The following PLEKHG1 variants were observed in gnomAD, a reference collection of about 807,000 sequenced individuals.
The protein encoded by PLEKHG1 is pleckstrin homology domain-containing family G member 1.
PLEKHG1 carries 44 observed loss-of-function variants against 100.8 expected under a neutral mutation model. The ratio of observed to expected loss-of-function variants is 0.44; its 90% CI spans 0.34 to 0.56. The LOEUF (loss-of-function observed/expected upper bound fraction) is 0.56, where lower values mean the gene tolerates loss of function less well. Among genes scored for constraint, PLEKHG1 ranks in the 20% least tolerant of loss-of-function variants. The pLI is 0.01. For missense variants in PLEKHG1, 1,545 were observed against 1,720.9 expected, an observed-to-expected ratio of 0.90 and a Z score of 1.81; for synonymous variants, 640 against 662.5, an observed-to-expected ratio of 0.97 and a Z score of 0.52.
intron 3 of PLEKHG1, among the ~76,000 whole-genome samples, chr6:150,783,349 A>G (rs990150930): frequency 6.6e-6 from 1 of 151,890 alleles, no homozygotes; most frequent in African/African-American, 2.4e-5. Flanking sequence ...TATCAAAGAC[A>G]TAATTCACGA....
intron 2 of PLEKHG1, among the ~76,000 whole-genome samples, chr6:150,649,312 C>T (rs950745153): frequency 6.6e-6 from 1 of 151,884 alleles, no homozygotes; most frequent in Admixed American, 6.6e-5. Flanking sequence ...TTTTGTTTTT[C>T]AAAAATTTTG....
chr6:150,631,745 G>T (rs773050418), intron 1 of PLEKHG1, among the ~76,000 whole-genome samples: 1 of 152,170 alleles, frequency 6.6e-6, no homozygotes, highest in Admixed American at 6.5e-5. Flanking sequence ...CAGAGCATCC[G>T]TAGAGCACGG....
In PLEKHG1 at chr6:150,779,739, G is replaced by A. The variant is rs532888127; in HGVS notation, c.513-6651G>A. On this transcript the variant is annotated intron_variant, in intron 3 of 15. Coordinates refer to ENST00000358517, the Ensembl canonical transcript of PLEKHG1. ...CCCAGCACTTTGGGAGGCCGAGGCT[G>A]GCAGATCATGAGATCAGGAGATCAA... Among the ~76,000 whole-genome samples, 17 of 151,922 alleles carry A rather than the reference G, an allele frequency of 1.1e-4. No homozygotes were observed. In the East Asian group the frequency reaches 3.4e-3, roughly 31 times the overall value.
At chr6:150,761,888 TCTC>T (rs1784178868) in intron 2 of PLEKHG1, among the ~76,000 whole-genome samples, 1 of 152,138 alleles carries the variant, frequency 6.6e-6, no homozygotes, top group Non-Finnish European at 1.5e-5. Context: ...AGCTGGCCCA[TCTC>T]CTCACTATGA....
At chr6:150,722,933 A>G (rs1781773969) in intron 1 of PLEKHG1, among the ~76,000 whole-genome samples, 1 of 152,232 alleles carries the variant, frequency 6.6e-6, no homozygotes, top group South Asian at 2.1e-4. Context: ...GCAAAGCTGG[A>G]GCATAGATTA....
intron 2 of PLEKHG1, among the ~76,000 whole-genome samples, chr6:150,761,468 C>T (rs1784158046): frequency 1.3e-5 from 2 of 152,004 alleles, no homozygotes; most frequent in South Asian, 4.2e-4. Context: ...CCACCACACC[C>T]AGCTAATTTT....
chr6:150,840,356 G>A, exon 16 of PLEKHG1: 2 of 1,614,184 alleles, frequency 1.2e-6, no homozygotes, highest in Non-Finnish European at 1.7e-6. Context: ...GAAAGCAGCA[G>A]CTGCTGTCTT....
exon 10 of PLEKHG1, chr6:150,809,654 T>A: frequency 6.2e-7 from 1 of 1,609,170 alleles, no homozygotes; most frequent in Non-Finnish European, 8.5e-7. Flanking sequence ...GCAGGCCAAA[T>A]CCCAGCAAGA....
In PLEKHG1 at chr6:150,680,858, A is replaced by C. The variant is rs540447786; in HGVS notation, c.-99+30072A>C. Reference sequence around the variant, plus strand: ...TGTAGCTTTTACACTTGAAGGAAGAAGAGGGCTACAGCTGGAGGAGGACAC... The same window carrying C: ...TGTAGCTTTTACACTTGAAGGAAGACGAGGGCTACAGCTGGAGGAGGACAC... On this transcript the variant is annotated intron_variant, in intron 3 of 3. Coordinates refer to the PLEKHG1 transcript ENST00000367326. Among the ~76,000 whole-genome samples the C allele has an allele frequency of 3.3e-5, 5 of 152,330 alleles. No individual in the cohort carries two copies. The East Asian group carries it at 9.7e-4, about 29-fold the overall frequency.
intron 3 of PLEKHG1, among the ~76,000 whole-genome samples, chr6:150,704,414 T>G (rs1780923620): frequency 6.6e-6 from 1 of 152,260 alleles, no homozygotes; most frequent in East Asian, 1.9e-4. Flanking sequence ...CCTAGTTCTA[T>G]TCACAATCCT....
At chr6:150,650,772 G>A (rs1261280138) in exon 3 of PLEKHG1, 1 of 152,166 alleles carries the variant, frequency 6.6e-6, no homozygotes, top group African/African-American at 2.4e-5. Flanking sequence ...CATTGAAAAG[G>A]TTTCAACTAT....
intron 2 of PLEKHG1, among the ~76,000 whole-genome samples, chr6:150,747,149 T>G (rs1435539897): frequency 1.3e-5 from 2 of 152,234 alleles, no homozygotes; most frequent in Non-Finnish European, 2.9e-5. Context: ...GCATTTTAAG[T>G]GTGTGCCATC....
At chr6:150,757,565 GTGTGTGTGTGTGTGTA>G (rs1263586831) in intron 2 of PLEKHG1, among the ~76,000 whole-genome samples, 1 of 151,954 alleles carries the variant, frequency 6.6e-6, no homozygotes, top group Non-Finnish European at 1.5e-5. Context: ...ACAAGTATGT[GTGTGTGTGTGTGTGTA>G]TGTGTGTGTC....
At chr6:150,725,680 G>A (rs6557091) in intron 1 of PLEKHG1, among the ~76,000 whole-genome samples, 43,882 of 151,498 alleles carry the variant, frequency 0.29, 7,713 homozygotes, top group African/African-American at 0.49. Context: ...GCTTTTTGCT[G>A]TTGTTGCCTG....
chr6:150,809,751 T>G lies in PLEKHG1; in HGVS notation c.1278+17T>G, dbSNP rs910396511. On this transcript the variant is annotated intron_variant, in intron 10 of 15. Transcript: ENST00000358517. ...CCAGCTAAGGTAGGACACTGAATAATGCACAGTGAAATGGGAGAGAGATAC... is the reference window on the plus strand; with the variant it reads ...CCAGCTAAGGTAGGACACTGAATAAGGCACAGTGAAATGGGAGAGAGATAC... 3 of 1,578,332 alleles carry G rather than the reference T, an allele frequency of 1.9e-6. No homozygotes were observed. The highest frequency in any genetic ancestry group is 2.6e-6 in the Non-Finnish European group (3 of 1,148,950).
chr6:150,690,303 C>T (rs993974997), intron 3 of PLEKHG1, among the ~76,000 whole-genome samples: 19 of 151,808 alleles, frequency 1.3e-4, no homozygotes, highest in African/African-American at 4.3e-4. Flanking sequence ...GATCCTGGTG[C>T]GCCCATCACC....
chr6:150,623,926 C>T (rs1777410728), intron 1 of PLEKHG1, among the ~76,000 whole-genome samples: 1 of 152,176 alleles, frequency 6.6e-6, no homozygotes. Context: ...TCTTAAATCT[C>T]CAGTTAAGCT....
At chr6:150,734,338 T>C (rs950312939) in intron 2 of PLEKHG1, among the ~76,000 whole-genome samples, 16 of 152,196 alleles carry the variant, frequency 1.1e-4, no homozygotes, top group African/African-American at 3.9e-4. Flanking sequence ...CATACCAAGA[T>C]GCTGTGTTAA....
chr6:150,717,692 G>C (rs1417936079), upstream of PLEKHG1, among the ~76,000 whole-genome samples: 1 of 152,198 alleles, frequency 6.6e-6, no homozygotes, highest in Non-Finnish European at 1.5e-5. Flanking sequence ...TGCTTGCAGG[G>C]AGTAAACAAA....
Sources: allele counts gnomAD v4.1 joint callset (sites outside exome capture counted in the v4.1 genomes callset), GRCh38; gene constraint gnomAD v4.1.1; transcripts MANE v1.5; gene names NCBI Gene and HGNC (gene_info 2026-07-23, HGNC 2026-07-21).